Variants in LRRK1 observed in about 807,000 individuals in gnomAD.
LRRK1 encodes the protein leucine-rich repeat serine/threonine-protein kinase 1.
A neutral mutation model predicts 209.1 loss-of-function variants in LRRK1; 113 were observed. The ratio of observed to expected loss-of-function variants is 0.54; its 90% CI spans 0.46 to 0.63. The LOEUF is 0.63. Ranked by LOEUF, LRRK1 falls within the 30% of genes least tolerant of loss-of-function variation. The pLI, the probability that LRRK1 is intolerant of heterozygous loss-of-function variation, is 0.00. For missense variants in LRRK1, 2,284 were observed against 2,632.2 expected (o/e 0.87, Z 2.89); for synonymous variants, 1,144 against 1,099.7 (o/e 1.04, Z -0.80).
chr15:101,037,305 G>A (rs986184829), intron 20 of LRRK1, among the ~76,000 whole-genome samples: 2 of 152,210 alleles, frequency 1.3e-5, no homozygotes, highest in South Asian at 4.1e-4. Flanking sequence ...GGTACCAGCT[G>A]TAGTGGTAAC....
intron 2 of LRRK1, among the ~76,000 whole-genome samples, chr15:100,925,965 C>T (rs568409628): frequency 1.3e-5 from 2 of 152,294 alleles, no homozygotes; most frequent in South Asian, 2.1e-4. Context: ...TACCCTTAAC[C>T]GTGTTAACTA....
intron 2 of LRRK1, among the ~76,000 whole-genome samples, chr15:100,973,155 G>T (rs1354193482): frequency 6.6e-6 from 1 of 152,206 alleles, no homozygotes; most frequent in African/African-American, 2.4e-5. Context: ...CGGCCCGGGC[G>T]CTGGGTCGCG....
At chr15:101,003,613 T>C (rs1292943326) in intron 6 of LRRK1, among the ~76,000 whole-genome samples, 1 of 152,142 alleles carries the variant, frequency 6.6e-6, no homozygotes, top group Non-Finnish European at 1.5e-5. Flanking sequence ...GGCTTCCCCT[T>C]ATAAAACCAT....
intron 2 of LRRK1, among the ~76,000 whole-genome samples, chr15:100,957,665 C>G (rs753693358): frequency 2.6e-5 from 4 of 152,180 alleles, no homozygotes; most frequent in Admixed American, 6.5e-5. Flanking sequence ...CATTCCTTCA[C>G]TTTCCATCTA....
intron 32 of LRRK1, among the ~76,000 whole-genome samples, chr15:101,066,410 G>T (rs777242281): frequency 6.6e-6 from 1 of 152,248 alleles, no homozygotes; most frequent in Non-Finnish European, 1.5e-5. Context: ...CTTATTGCCT[G>T]CCAGAGAGCT....
intron 6 of LRRK1, among the ~76,000 whole-genome samples, chr15:100,994,308 A>G (rs913292216): frequency 3.3e-5 from 5 of 152,246 alleles, no homozygotes; most frequent in Non-Finnish European, 2.9e-5. Flanking sequence ...GATTCTCTGC[A>G]CATCATAATC....
intron 3 of LRRK1, among the ~76,000 whole-genome samples, chr15:100,976,362 A>G (rs1331121082): frequency 6.6e-6 from 1 of 152,262 alleles, no homozygotes; most frequent in Non-Finnish European, 1.5e-5. Flanking sequence ...GACTAAGGAT[A>G]TGAATAGGCA....
At chr15:100,977,304 T>C (rs1205620265) in intron 3 of LRRK1, among the ~76,000 whole-genome samples, 1 of 151,742 alleles carries the variant, frequency 6.6e-6, no homozygotes, top group African/African-American at 2.4e-5. Context: ...GGCAAAACAC[T>C]GAAGAAATAT....
chr15:101,053,482 C>A (rs2035605614), intron 26 of LRRK1, 62 bp downstream of exon 26: 2 of 1,412,682 alleles, frequency 1.4e-6, no homozygotes, highest in East Asian at 2.5e-5. Context: ...CGCCTCCTGC[C>A]TGGCACGGGG....
rs1427176646 is a variant in LRRK1, at chr15:100,983,577, G to T, written c.311G>T (p.Arg104Leu). The T allele has an allele frequency of 5.6e-6, 9 of 1,611,220 alleles. No homozygotes were observed. The highest frequency in any genetic ancestry group is 1.3e-5 in the African/African-American group (1 of 74,822). Residue 104 changes from arginine (R) to leucine (L), a missense_variant, in exon 4 of 34, where the codon CGC becomes CTC. Around this residue, in one of 6 missense-constraint regions of LRRK1, gnomAD observed 134 missense variants for 191.7 expected, o/e 0.70. Transcript: ENST00000388948. ...GCCTATGGGGATCTGGAGATGGTCC[G>T]CTACCTACTCAGCAAGAGACTGGTG... is the stretch of plus-strand genomic sequence containing the variant. ...PAAYGDLEMV[R>L]YLLSKRLVEL...
At chr15:100,935,847 C>A (rs118003068) in intron 2 of LRRK1, among the ~76,000 whole-genome samples, 1 of 152,222 alleles carries the variant, frequency 6.6e-6, no homozygotes, top group Non-Finnish European at 1.5e-5. Context: ...TCTGGCCCCT[C>A]CGTGCTCCTC....
In LRRK1 at chr15:101,033,104, T is replaced by C. The variant is rs2034352609; in HGVS notation, c.2963+3872T>C. On this transcript the variant is annotated intron_variant, in intron 20 of 33. Transcript: ENST00000388948. ...AGAAGAAAATCCATTTTCTTATCTT[T>C]TCCAGTCTCTAGAGCTGCATTTCTT... Among the ~76,000 whole-genome samples the C allele has an allele frequency of 2.0e-5, 3 of 152,204 alleles. No individual in the cohort carries two copies. The South Asian group carries it at 6.2e-4, about 31-fold the overall frequency.
intron 3 of LRRK1, among the ~76,000 whole-genome samples, chr15:100,979,919 G>A (rs1158641635): frequency 1.3e-5 from 2 of 152,170 alleles, no homozygotes; most frequent in Admixed American, 6.5e-5. Context: ...ATAAAAAATA[G>A]TGACAGTACC....
intron 13 of LRRK1, 177 bp from the exon 14 acceptor site, chr15:101,021,668 A>G (rs2033793787): frequency 3.5e-6 from 2 of 573,930 alleles, no homozygotes; most frequent in Non-Finnish European, 3.1e-6. Context: ...TGCCGTTTCT[A>G]TCACTGATCC....
intron 3 of LRRK1, among the ~76,000 whole-genome samples, chr15:100,981,003 G>C (rs954660026): frequency 6.6e-6 from 1 of 152,236 alleles, no homozygotes; most frequent in African/African-American, 2.4e-5. Context: ...AAAAGCATTT[G>C]GTTGTATATG....
At chr15:101,020,369 CTTT>C (rs1258764876) in intron 12 of LRRK1, among the ~76,000 whole-genome samples, 1,068 of 98,404 alleles carry the variant, frequency 0.011, 11 homozygotes, top group African/African-American at 0.045. Context: ...CGGTTCTGAA[CTTT>C]TTTTTTTTTT....
At chr15:100,972,188 C>T (rs1327904746) in intron 2 of LRRK1, among the ~76,000 whole-genome samples, 1 of 152,022 alleles carries the variant, frequency 6.6e-6, no homozygotes, top group Non-Finnish European at 1.5e-5. Context: ...GTCTCGAACT[C>T]CTGACCTCAA....
At chr15:101,037,393 C>CT (rs1276196970) in intron 20 of LRRK1, among the ~76,000 whole-genome samples, 1 of 152,280 alleles carries the variant, frequency 6.6e-6, no homozygotes, top group East Asian at 1.9e-4. Flanking sequence ...AACCACTGAG[C>CT]TGGGCAGTCC....
chr15:100,941,114 G>T (rs2042392611), intron 2 of LRRK1, among the ~76,000 whole-genome samples: 1 of 152,162 alleles, frequency 6.6e-6, no homozygotes, highest in African/African-American at 2.4e-5. Flanking sequence ...TTTTCTGTGT[G>T]TGTGTGTCTG....
Sources: gnomAD v4.1 joint callset for allele counts (sites outside exome capture counted in the v4.1 genomes callset) on GRCh38, gnomAD v4.1.1 for gene constraint, gnomAD v4.1.1 regional missense constraint, MANE v1.5 for transcripts, NCBI Gene and HGNC (gene_info 2026-07-23, HGNC 2026-07-21) for gene names.